PTPRN2: variants seen among roughly 807,000 people sequenced by gnomAD.
PTPRN2 encodes receptor-type tyrosine-protein phosphatase N2.
Under a neutral mutation model 118.8 loss-of-function variants are expected in PTPRN2, and 74 were observed. The ratio of observed to expected loss-of-function variants is 0.62; its 90% CI spans 0.52 to 0.76. The LOEUF is 0.76. PTPRN2 is among the 30% of genes least tolerant of loss of function. The pLI is 0.00. For synonymous variants in PTPRN2, 641 were observed against 608.0 expected (o/e 1.05, Z -0.80); for missense variants, 1,481 against 1,394.4 (o/e 1.06, Z -0.99).
At position 158,193,651 on chromosome 7, in the gene PTPRN2, T is replaced by C. The variant is rs6953725; in HGVS notation, c.381-1156A>G. On this transcript the variant is annotated intron_variant, in intron 4 of 22. Transcript: ENST00000389418. ...TGGGACACGATGGGCATGGCCTCCCTAGGGATGGGCATGGCCCTCCCTGCC... is the reference window on the plus strand; with the variant it reads ...TGGGACACGATGGGCATGGCCTCCCCAGGGATGGGCATGGCCCTCCCTGCC... 8.8e-3 allele frequency among the ~76,000 whole-genome samples: 1,345 copies of C among 152,058 alleles called. 24 individuals are homozygous for C. The highest frequency in any genetic ancestry group is 0.031 in the African/African-American group (1,274 of 41,500).
At chr7:157,923,917 G>A (rs545738475) in intron 11 of PTPRN2, among the ~76,000 whole-genome samples, 74 of 152,302 alleles carry the variant, frequency 4.9e-4, no homozygotes, top group African/African-American at 1.8e-3. Context: ...ATTTAAAAAA[G>A]CAACCTGTCC....
At chr7:157,568,782 C>G in intron 21 of PTPRN2, 120 bp downstream of exon 21, 1 of 988,794 alleles carries the variant, frequency 1.0e-6, no homozygotes, top group South Asian at 1.4e-5. Flanking sequence ...TACGGCCCAG[C>G]AGAGGCACAA....
chr7:158,111,405 G>A (rs1816264930), intron 9 of PTPRN2, among the ~76,000 whole-genome samples: 1 of 152,192 alleles, frequency 6.6e-6, no homozygotes, highest in South Asian at 2.1e-4. Context: ...GGCACTCCCG[G>A]AAGGCACTGT....
chr7:158,475,262 C>T, intron 2 of PTPRN2, among the ~76,000 whole-genome samples: 1 of 141,630 alleles, frequency 7.1e-6, no homozygotes, highest in Non-Finnish European at 1.5e-5. Context: ...TCCCCGGCTT[C>T]CCCTGTCTAG....
intron 3 of PTPRN2, among the ~76,000 whole-genome samples, chr7:158,220,010 C>T (rs191618865): frequency 3.3e-5 from 5 of 152,106 alleles, no homozygotes; most frequent in African/African-American, 4.8e-5. Context: ...GTAGGAACTC[C>T]TCCCTAAATC....
At position 158,235,986 on chromosome 7, in the gene PTPRN2, A is replaced by T. The variant is rs1385687109; in HGVS notation, c.278-30713T>A. 2.0e-5 allele frequency among the ~76,000 whole-genome samples: 3 copies of T among 152,196 alleles called. No homozygotes were observed. In the East Asian group the frequency reaches 5.8e-4, roughly 29 times the overall value. On this transcript the variant is annotated intron_variant, in intron 3 of 22. Transcript: ENST00000389418. ...CCAAAACCACCATTACGGGCTGCTT[A>T]GCATTCTAGGACACGGAGACGTCGT...
At chr7:157,553,029 C>A (rs1169036078) in intron 21 of PTPRN2, among the ~76,000 whole-genome samples, 3 of 152,242 alleles carry the variant, frequency 2.0e-5, no homozygotes, top group Non-Finnish European at 4.4e-5. Context: ...GCCTTCCAGG[C>A]ACGAGGACAG....
At chr7:157,942,635 C>T (rs1383361987) in intron 11 of PTPRN2, among the ~76,000 whole-genome samples, 3 of 152,114 alleles carry the variant, frequency 2.0e-5, no homozygotes, top group Non-Finnish European at 4.4e-5. Flanking sequence ...TCCGCGTTCA[C>T]CTGTACATCG....
In PTPRN2 at chr7:158,135,030, G is replaced by A. The variant is rs146182602; in HGVS notation, c.1174-971C>T. Among the ~76,000 whole-genome samples, 437 of 152,266 alleles carry A rather than the reference G, an allele frequency of 2.9e-3. 12 individuals are homozygous for A. The highest frequency in any genetic ancestry group is 0.023 in the Admixed American group (349 of 15,296). On this transcript the variant is annotated intron_variant, in intron 8 of 22. Transcript: ENST00000389418. ...CCTACACTGCTTCCTAGGAAAGACC[G>A]GGTCTGCTCCTGCCACTGGCACATA... is the stretch of plus-strand genomic sequence containing the variant.
intron 14 of PTPRN2, among the ~76,000 whole-genome samples, chr7:157,636,279 T>C (rs1475739979): frequency 1.3e-5 from 2 of 152,238 alleles, no homozygotes; most frequent in African/African-American, 4.8e-5. Flanking sequence ...CCCTTGGCTA[T>C]GTACAATTAA....
chr7:157,662,144 C>A (rs1795921365), intron 13 of PTPRN2, among the ~76,000 whole-genome samples: 1 of 152,158 alleles, frequency 6.6e-6, no homozygotes, highest in African/African-American at 2.4e-5. Flanking sequence ...CTTGGGAAAA[C>A]ACTAATCTCT....
At chr7:158,098,855 G>T (rs916489708) in intron 10 of PTPRN2, among the ~76,000 whole-genome samples, 1 of 151,980 alleles carries the variant, frequency 6.6e-6, no homozygotes, top group Non-Finnish European at 1.5e-5. Context: ...ACGGGGCCGC[G>T]GGGAGGGCCG....
At chr7:157,621,542 T>G in intron 14 of PTPRN2, 33 bp from the exon 15 acceptor site, 1 of 1,607,318 alleles carries the variant, frequency 6.2e-7, no homozygotes, top group South Asian at 1.1e-5. Flanking sequence ...GGAGCGCACC[T>G]AGGTGGTGAG....
At chr7:158,490,771 A>G (rs527792131) in intron 1 of PTPRN2, among the ~76,000 whole-genome samples, 14 of 152,370 alleles carry the variant, frequency 9.2e-5, no homozygotes, top group Admixed American at 7.2e-4. Flanking sequence ...TCATCCGCTA[A>G]GATCCCTGTG....
At chr7:158,395,442 C>G (rs192218794) in intron 2 of PTPRN2, among the ~76,000 whole-genome samples, 3 of 300 alleles carry the variant, frequency 0.01, no homozygotes, top group East Asian at 0.083. Flanking sequence ...AGGGGTGAGG[C>G]GCGAGGGGCC....
At chr7:157,806,830 G>A (rs1805666241) in intron 12 of PTPRN2, among the ~76,000 whole-genome samples, 1 of 152,188 alleles carries the variant, frequency 6.6e-6, no homozygotes, top group Non-Finnish European at 1.5e-5. Flanking sequence ...AACAAAGTGA[G>A]TACTTGGAGG....
chr7:158,394,443 C>T (rs1812174786), intron 2 of PTPRN2, among the ~76,000 whole-genome samples: 1 of 152,206 alleles, frequency 6.6e-6, no homozygotes, highest in African/African-American at 2.4e-5. Flanking sequence ...CAGCCTGCGA[C>T]GGGGATGCTG....
At chr7:157,999,954 T>G (rs2128857605) in intron 11 of PTPRN2, among the ~76,000 whole-genome samples, 1 of 152,260 alleles carries the variant, frequency 6.6e-6, no homozygotes, top group Middle Eastern at 3.4e-3. Context: ...TGGCAGGATC[T>G]CAGCTCACTG....
In PTPRN2 at chr7:158,164,551, A is replaced by G. The variant is rs78987949; in HGVS notation, c.910+2380T>C. ...GAGCGCGCACGTAGGGAAGGCGCGC[A>G]CGTAGGGAAGGCACGCAGAGCAGGA... On this transcript the variant is annotated intron_variant, in intron 6 of 22. Coordinates refer to ENST00000389418, the MANE Select transcript of PTPRN2 (RefSeq NM_002847.5). 8.5e-3 allele frequency among the ~76,000 whole-genome samples: 23 copies of G among 2,712 alleles called. 3 individuals are homozygous for G. Among genetic ancestry groups the G allele is most frequent in the African/African-American group, 0.053 (11 of 206 alleles). The allele number at this position is 2,712 out of a possible 152,430, so 1.8% of individuals were successfully genotyped here.
Sources: allele counts gnomAD v4.1 joint callset (sites outside exome capture counted in the v4.1 genomes callset), GRCh38; gene constraint gnomAD v4.1.1; transcripts MANE v1.5; gene names NCBI Gene and HGNC (gene_info 2026-07-23, HGNC 2026-07-21).